The following SASH1 variants were observed in gnomAD, a reference collection of about 807,000 sequenced individuals.
The protein encoded by SASH1 is SAM and SH3 domain containing 1.
Under a neutral mutation model 125.2 loss-of-function variants are expected in SASH1, and 44 were observed. The observed-to-expected ratio is 0.35, with a 90% CI of 0.28 to 0.45. The LOEUF (loss-of-function observed/expected upper bound fraction) is 0.45. Ranked by LOEUF, SASH1 falls within the 20% of genes least tolerant of loss-of-function variation. SASH1 has a pLI of 1.00. For missense variants in SASH1, 1,426 were observed against 1,614.5 expected, an observed-to-expected ratio of 0.88 and a Z score of 2.00; for synonymous variants, 639 against 649.1, an observed-to-expected ratio of 0.98 and a Z score of 0.24.
chr6:148,379,725 C>A (rs981312929), intron 1 of SASH1, among the ~76,000 whole-genome samples: 2 of 152,168 alleles, frequency 1.3e-5, no homozygotes, highest in Non-Finnish European at 1.5e-5. Flanking sequence ...TGAATAAGAT[C>A]CATTCCCAGT....
intron 1 of SASH1, among the ~76,000 whole-genome samples, chr6:148,370,917 G>A (rs919169087): frequency 2.0e-5 from 3 of 152,142 alleles, no homozygotes; most frequent in Non-Finnish European, 4.4e-5. Context: ...GACTTTATAA[G>A]GTATTCTCAA....
At chr6:148,225,594 G>T in the SASH1 span, among the ~76,000 whole-genome samples, 3 of 152,158 alleles carry the variant, frequency 2.0e-5, no homozygotes, top group Non-Finnish European at 4.4e-5. Flanking sequence ...AGGGGAGTGA[G>T]GGATAAAAGA....
At chr6:148,199,186 A>G in the SASH1 span, among the ~76,000 whole-genome samples, 1 of 152,206 alleles carries the variant, frequency 6.6e-6, no homozygotes, top group Non-Finnish European at 1.5e-5. Flanking sequence ...GTTCGAGACC[A>G]GCTTGGCCAA....
intron 2 of SASH1, among the ~76,000 whole-genome samples, chr6:148,404,218 A>T (rs1437155786): frequency 2.0e-5 from 3 of 152,226 alleles, no homozygotes; most frequent in Admixed American, 6.5e-5. Context: ...TTGAAAGTAT[A>T]ATTCTGGAAA....
At chr6:148,390,510 G>T (rs959266285) in intron 2 of SASH1, among the ~76,000 whole-genome samples, 6 of 152,322 alleles carry the variant, frequency 3.9e-5, no homozygotes, top group African/African-American at 1.2e-4. Flanking sequence ...GATTTGGCCG[G>T]GCGCTGTGGC....
chr6:148,354,128 G>A (rs1781838701), intron 1 of SASH1, among the ~76,000 whole-genome samples: 1 of 152,104 alleles, frequency 6.6e-6, no homozygotes, highest in Non-Finnish European at 1.5e-5. Flanking sequence ...TGGCACCATT[G>A]CACTCCAGCC....
At position 148,532,357 on chromosome 6, in the gene SASH1, C is replaced by T. The variant is rs1269984076; in HGVS notation, c.1565-440C>T. 2.6e-5 allele frequency among the ~76,000 whole-genome samples: 4 copies of T among 152,224 alleles called. No homozygotes were observed. Among genetic ancestry groups the T allele is most frequent in the South Asian group, 2.1e-4 (1 of 4,832 alleles). On this transcript the variant is annotated intron_variant, in intron 13 of 19. Coordinates refer to ENST00000367467, the MANE Select transcript of SASH1 (RefSeq NM_015278.5). The surrounding 1 kb of genome is among the most constrained non-coding windows in gnomAD (Gnocchi z 4.7). ...TGCTGGGATTATAGGCGTGAGCCAC[C>T]GTGCCCCGAGATCAAGTTTAAACCT...
intron 2 of SASH1, among the ~76,000 whole-genome samples, chr6:148,429,180 A>G (rs1775950230): frequency 6.6e-6 from 1 of 152,128 alleles, no homozygotes; most frequent in Admixed American, 6.6e-5. Context: ...AATCTTAAAT[A>G]AAAACATGAA....
At chr6:148,261,898 G>T in the SASH1 span, among the ~76,000 whole-genome samples, 1 of 152,152 alleles carries the variant, frequency 6.6e-6, no homozygotes, top group Admixed American at 6.5e-5. Flanking sequence ...GAAAGGAAAT[G>T]GAAAAGGACA....
chr6:148,339,599 C>T (rs1291094256), upstream of SASH1, among the ~76,000 whole-genome samples: 1 of 151,794 alleles, frequency 6.6e-6, no homozygotes, highest in Non-Finnish European at 1.5e-5. Context: ...CTCTGTCGTC[C>T]AGGCTGAGTG....
chr6:148,542,397 CTTTTT>C lies in SASH1; in HGVS notation c.2210-1282_2210-1278del, dbSNP rs567928645. The stretch of plus-strand genomic sequence containing the variant: ...ATTTATCTGTGATGATTTTTCTTTT[CTTTTT>C]ATGAGGCGGAGTCTCGCTCTGTCGC... On this transcript the variant is annotated intron_variant, in intron 17 of 19. Coordinates refer to ENST00000367467, the MANE Select transcript of SASH1 (RefSeq NM_015278.5). 2.6e-3 allele frequency among the ~76,000 whole-genome samples: 391 copies of C among 150,490 alleles called. 3 individuals are homozygous for C. Among genetic ancestry groups the C allele is most frequent in the African/African-American group, 9.1e-3 (372 of 40,924 alleles).
chr6:148,388,937 G>A (rs1452041512), intron 1 of SASH1, among the ~76,000 whole-genome samples: 2 of 150,918 alleles, frequency 1.3e-5, no homozygotes, highest in Non-Finnish European at 2.9e-5. Flanking sequence ...TTATACCAAA[G>A]AGCAGAATGT....
intron 1 of SASH1, among the ~76,000 whole-genome samples, chr6:148,289,574 T>C (rs1779572250): frequency 6.6e-6 from 1 of 152,252 alleles, no homozygotes; most frequent in African/African-American, 2.4e-5. Context: ...AAGTTAGAGC[T>C]GGCTTTTTGG....
chr6:148,218,621 T>C, the SASH1 span, among the ~76,000 whole-genome samples: 1 of 152,174 alleles, frequency 6.6e-6, no homozygotes, highest in Non-Finnish European at 1.5e-5. Context: ...GAGCTGGTGC[T>C]GGGACCTTGG....
intron 1 of SASH1, among the ~76,000 whole-genome samples, chr6:148,381,005 AAT>A (rs1187056811): frequency 1.3e-5 from 2 of 152,222 alleles, no homozygotes; most frequent in African/African-American, 2.4e-5. Context: ...GAATTAATGA[AAT>A]ATCCTGTGAA....
intron 2 of SASH1, among the ~76,000 whole-genome samples, chr6:148,393,408 GCCT>G (rs933281795): frequency 6.6e-6 from 1 of 152,000 alleles, no homozygotes; most frequent in Non-Finnish European, 1.5e-5. Context: ...GGACTCTGTG[GCCT>G]CCTCAGACAT....
At chr6:148,201,246 G>A in the SASH1 span, among the ~76,000 whole-genome samples, 1 of 152,214 alleles carries the variant, frequency 6.6e-6, no homozygotes, top group Non-Finnish European at 1.5e-5. Context: ...GCTAGAAACT[G>A]TGCTAGGTAT....
At chr6:148,440,065 C>T (rs753584004) in intron 2 of SASH1, 119 bp from the exon 3 acceptor site, 207 of 841,262 alleles carry the variant, frequency 2.5e-4, no homozygotes, top group Non-Finnish European at 3.6e-4. Context: ...CTGCCATCTC[C>T]TCCCACTCTA....
chr6:148,322,179 C>A (rs1449031070), intron 1 of SASH1, among the ~76,000 whole-genome samples: 2 of 151,906 alleles, frequency 1.3e-5, no homozygotes, highest in African/African-American at 2.4e-5. Context: ...GGTGAAACTC[C>A]ATCTCTACTA....
Sources: gnomAD v4.1 joint callset for allele counts (sites outside exome capture counted in the v4.1 genomes callset) on GRCh38, gnomAD v4.1.1 for gene constraint, Gnocchi (gnomAD v3.1) non-coding constraint, MANE v1.5 for transcripts, NCBI Gene and HGNC (gene_info 2026-07-23, HGNC 2026-07-21) for gene names.